MAP3K20: variants seen among roughly 807,000 people sequenced by gnomAD.
MAP3K20 encodes the protein HCCS-4.
MAP3K20 carries 40 observed loss-of-function variants against 85.7 expected under a neutral mutation model. The ratio of observed to expected loss-of-function variants is 0.47; its 90% CI spans 0.36 to 0.61. The LOEUF is 0.61. Among genes scored for constraint, MAP3K20 ranks in the 20% least tolerant of loss-of-function variants. The pLI is 0.00. For synonymous variants in MAP3K20, 325 were observed against 327.7 expected, an observed-to-expected ratio of 0.99 and a Z score of 0.09; for missense variants, 817 against 961.7, an observed-to-expected ratio of 0.85 and a Z score of 1.99.
chr2:173,116,885 T>A (rs1391251368), intron 2 of MAP3K20, among the ~76,000 whole-genome samples: 4 of 152,218 alleles, frequency 2.6e-5, no homozygotes, highest in South Asian at 2.1e-4. Flanking sequence ...TGTGAATTCA[T>A]TGTGAACATT....
rs1405109265 is a variant in MAP3K20 at position 173,075,949 on chromosome 2, G to A, written c.-88G>A. 5.1e-6 allele frequency: 5 copies of A among 985,018 alleles called. No homozygotes were observed. The highest frequency in any genetic ancestry group is 6.0e-6 in the Non-Finnish European group (5 of 829,894). 61.0% of individuals were successfully genotyped at this position (985,018 alleles called of 1,614,324 possible). On this transcript the variant is annotated 5_prime_UTR_variant, in exon 1 of 20. Coordinates refer to ENST00000375213, the MANE Select transcript of MAP3K20 (RefSeq NM_016653.3). Reference sequence around the variant, plus strand: ...CGTCCCAACCCCCGCCGCCCTCGTCGCGCGCGGGGCCTCCGCGCCCCCGGC... The same window carrying A: ...CGTCCCAACCCCCGCCGCCCTCGTCACGCGCGGGGCCTCCGCGCCCCCGGC...
chr2:173,198,108 A>T lies in MAP3K20; in HGVS notation c.665A>T (p.Asn222Ile). The change falls in exon 8 of 20, where the codon AAC becomes ATC. Residue 222 changes from asparagine (N) to isoleucine (I), a missense_variant. By Grantham distance (149) the Asn-to-Ile change is moderately radical. This residue lies in a region of MAP3K20 where 200 missense variants were observed against 302.7 expected (regional missense o/e 0.66). Transcript: ENST00000375213. This position sits in a 1 kb window ranked among gnomAD's most constrained non-coding sequence, Gnocchi z 5.8. Reference protein sequence around the residue: ...LQVAWLVVEKNERLTIPSSCP... With the variant: ...LQVAWLVVEKIERLTIPSSCP... ...GTAGCTTGGCTTGTAGTGGAAAAAAACGAGGTAAGACTACGTTTCTCCATT... is the reference window on the plus strand; with the variant it reads ...GTAGCTTGGCTTGTAGTGGAAAAAATCGAGGTAAGACTACGTTTCTCCATT... 6.2e-7 allele frequency: 1 copy of T among 1,612,332 alleles called. No homozygotes were observed. Among genetic ancestry groups the T allele is most frequent in the Non-Finnish European group, 8.5e-7 (1 of 1,178,868 alleles).
At chr2:173,249,927 C>A (rs77711950) in intron 16 of MAP3K20, among the ~76,000 whole-genome samples, 2,077 of 152,216 alleles carry the variant, frequency 0.014, 51 homozygotes, top group African/African-American at 0.047. Context: ...CTTAAAGCCC[C>A]TTTTTCATAC....
intron 2 of MAP3K20, chr2:173,166,564 C>T (rs1186283027): frequency 6.6e-6 from 1 of 152,116 alleles, no homozygotes; most frequent in Non-Finnish European, 1.5e-5. Context: ...CTCCTTATAA[C>T]TCTCATATAC....
intron 2 of MAP3K20, among the ~76,000 whole-genome samples, chr2:173,108,518 A>G (rs1407505392): frequency 2.6e-5 from 4 of 152,250 alleles, no homozygotes; most frequent in Non-Finnish European, 5.9e-5. Flanking sequence ...CTCACTTAGG[A>G]ATCATTGTTA....
intron 2 of MAP3K20, among the ~76,000 whole-genome samples, chr2:173,111,560 T>G (rs1687974923): frequency 6.6e-6 from 1 of 152,270 alleles, no homozygotes; most frequent in African/African-American, 2.4e-5. Flanking sequence ...GTTTCAGGTC[T>G]TAGGTTTAAG....
chr2:173,136,008 C>G (rs1688789055), intron 2 of MAP3K20, among the ~76,000 whole-genome samples: 1 of 152,122 alleles, frequency 6.6e-6, no homozygotes, highest in Non-Finnish European at 1.5e-5. Flanking sequence ...TTTTTCACTG[C>G]TTTTTAGTTT....
chr2:173,168,048 C>G (rs1689886889), intron 2 of MAP3K20, among the ~76,000 whole-genome samples: 1 of 151,270 alleles, frequency 6.6e-6, no homozygotes, highest in African/African-American at 2.4e-5. Context: ...CACATACATT[C>G]TATTTTTACA....
chr2:173,223,411 C>A, intron 11 of MAP3K20: 1 of 964,020 alleles, frequency 1.0e-6, no homozygotes, highest in Non-Finnish European at 1.2e-6. Flanking sequence ...CACTTTAACA[C>A]AGCACCAGGC....
intron 7 of MAP3K20, among the ~76,000 whole-genome samples, chr2:173,197,249 A>ATC: frequency 6.6e-6 from 1 of 152,300 alleles, no homozygotes; most frequent in Middle Eastern, 3.4e-3. Context: ...AGAACCCAAA[A>ATC]TCAGCAGTAT....
chr2:173,075,776 C>T, upstream of MAP3K20: 1 of 985,266 alleles, frequency 1.0e-6, no homozygotes, highest in Non-Finnish European at 1.2e-6. Flanking sequence ...CTCGCCCGCG[C>T]GTGTGAGGGG....
At chr2:173,121,609 A>G (rs376882993) in intron 2 of MAP3K20, among the ~76,000 whole-genome samples, 4,934 of 151,718 alleles carry the variant, frequency 0.033, 115 homozygotes, top group Admixed American at 0.057. Context: ...GGATGGTCTC[A>G]ATCTCCTGAC....
At chr2:173,253,521 G>GT (rs1359933847) in intron 16 of MAP3K20, among the ~76,000 whole-genome samples, 2 of 152,062 alleles carry the variant, frequency 1.3e-5, no homozygotes, top group African/African-American at 2.4e-5. Context: ...TTAATGTATG[G>GT]TTTTTTTCCA....
At chr2:173,108,521 CA>C (rs1157088389) in intron 2 of MAP3K20, among the ~76,000 whole-genome samples, 2 of 152,204 alleles carry the variant, frequency 1.3e-5, no homozygotes, top group Non-Finnish European at 2.9e-5. Flanking sequence ...ACTTAGGAAT[CA>C]TTGTTATATC....
Position 173,094,684 on chromosome 2 carries a change from C to T in MAP3K20, c.159+3494C>T, listed in dbSNP as rs75625201. 4.7e-3 allele frequency among the ~76,000 whole-genome samples: 720 copies of T among 152,252 alleles called. 8 individuals are homozygous for T. The highest frequency in any genetic ancestry group is 0.016 in the African/African-American group (685 of 41,544). Reference sequence around the variant, plus strand: ...TTTATGTGATTTCCTCCCCAGCCCCCAGCCTAGTCAGAGTTTATGTAGTTT... The same window carrying T: ...TTTATGTGATTTCCTCCCCAGCCCCTAGCCTAGTCAGAGTTTATGTAGTTT... On this transcript the variant is annotated intron_variant, in intron 2 of 19. Coordinates refer to ENST00000375213, the MANE Select transcript of MAP3K20 (RefSeq NM_016653.3).
intron 11 of MAP3K20, among the ~76,000 whole-genome samples, chr2:173,218,336 T>G (rs2106316690): frequency 6.6e-6 from 1 of 152,332 alleles, no homozygotes; most frequent in South Asian, 2.1e-4. Context: ...AAGCTAAATG[T>G]TTATTATCAG....
intron 2 of MAP3K20, among the ~76,000 whole-genome samples, chr2:173,133,852 A>ATGG (rs1344814083): frequency 4.6e-5 from 7 of 151,726 alleles, no homozygotes; most frequent in Admixed American, 4.6e-4. Flanking sequence ...TTAGCCGGGC[A>ATGG]TGGTGGTGGG....
At chr2:173,164,008 G>C (rs1689740829) in intron 2 of MAP3K20, among the ~76,000 whole-genome samples, 1 of 151,342 alleles carries the variant, frequency 6.6e-6, no homozygotes, top group African/African-American at 2.4e-5. Flanking sequence ...TCGCGAGGCT[G>C]GAGTGCAGTG....
At chr2:173,150,024 G>A (rs1689256326) in intron 2 of MAP3K20, among the ~76,000 whole-genome samples, 1 of 152,232 alleles carries the variant, frequency 6.6e-6, no homozygotes, top group African/African-American at 2.4e-5. Context: ...GAATAGTAGT[G>A]TAGTGGTGTC....
Sources: allele counts gnomAD v4.1 joint callset (sites outside exome capture counted in the v4.1 genomes callset), GRCh38; gene constraint gnomAD v4.1.1; regional missense constraint gnomAD v4.1.1; non-coding constraint Gnocchi (gnomAD v3.1); transcripts MANE v1.5; gene names NCBI Gene and HGNC (gene_info 2026-07-23, HGNC 2026-07-21).